The following PLD5 variants were observed in gnomAD, a reference collection of about 807,000 sequenced individuals.
The protein encoded by PLD5 is phospholipase D family member 5, also known as inactive phospholipase D5.
A neutral mutation model predicts 61.1 loss-of-function variants in PLD5; 36 were observed. That is an observed-to-expected ratio of 0.59 (90% CI 0.45 to 0.78). The LOEUF (loss-of-function observed/expected upper bound fraction) is 0.78. PLD5 is among the 30% of genes least tolerant of loss of function. The pLI, the probability that PLD5 is intolerant of heterozygous loss-of-function variation, is 0.00. For missense variants in PLD5, 515 were observed against 644.4 expected, an observed-to-expected ratio of 0.80 and a Z score of 2.17; for synonymous variants, 243 against 242.8, an observed-to-expected ratio of 1.00 and a Z score of -0.01.
At chr1:242,385,610 G>T (rs550708170) in intron 1 of PLD5, among the ~76,000 whole-genome samples, 1 of 151,942 alleles carries the variant, frequency 6.6e-6, no homozygotes, top group Non-Finnish European at 1.5e-5. Context: ...TGACTCCGCC[G>T]GACTTTGTCA....
At position 242,402,227 on chromosome 1, in the gene PLD5, G is replaced by A. The variant is rs182156237; in HGVS notation, c.190-53985C>T. Among the ~76,000 whole-genome samples the A allele has an allele frequency of 1.2e-3, 187 of 152,262 alleles. 1 individual carries two copies. Among genetic ancestry groups the A allele is most frequent in the African/African-American group, 4.3e-3 (179 of 41,558 alleles). On this transcript the variant is annotated intron_variant, in intron 1 of 9. Coordinates refer to ENST00000536534, the MANE Select transcript of PLD5 (RefSeq NM_001372062.1). Reference sequence around the variant, plus strand: ...ATTTAGATAAACTAGAGAATAAATGGAACAAATAAGATTATTCACAGTTTT... The same window carrying A: ...ATTTAGATAAACTAGAGAATAAATGAAACAAATAAGATTATTCACAGTTTT...
At chr1:242,490,675 C>A (rs781400815) in intron 1 of PLD5, among the ~76,000 whole-genome samples, 1 of 152,152 alleles carries the variant, frequency 6.6e-6, no homozygotes, top group Non-Finnish European at 1.5e-5. Context: ...TTGTGTAGAA[C>A]CCACATCTGC....
intron 3 of PLD5, among the ~76,000 whole-genome samples, chr1:242,276,381 C>A (rs669662): frequency 0.83 from 77,281 of 92,782 alleles, 32,978 homozygotes; most frequent in East Asian, 0.93. Context: ...TTAATATTTA[C>A]AATTATATAT....
In PLD5 at chr1:242,256,872, TTTC is replaced by T. The variant is rs1558403478; in HGVS notation, c.607+8462_607+8464del. On this transcript the variant is annotated intron_variant, in intron 4 of 9. Coordinates refer to ENST00000536534, the MANE Select transcript of PLD5 (RefSeq NM_001372062.1). The surrounding 1 kb of genome is among the most constrained non-coding windows in gnomAD (Gnocchi z 5.7). ...ATCTGCCATCTATCTTCCTATCTTC[TTTC>T]TTTTCTCTCCCTCTTCTTTCTCTTT... 2.3e-5 allele frequency among the ~76,000 whole-genome samples: 2 copies of T among 86,064 alleles called. No individual in the cohort carries two copies. The highest frequency in any genetic ancestry group is 1.1e-4 in the Admixed American group (1 of 8,708). The allele number at this position is 86,064 out of a possible 152,430, so 56.5% of individuals were successfully genotyped here. A position where few individuals can be genotyped will look rare whatever the true frequency, so the allele number is the denominator to read the frequency against.
At chr1:242,449,314 G>A (rs1419898793) in intron 1 of PLD5, 1 of 1,535,978 alleles carries the variant, frequency 6.5e-7, no homozygotes, top group Admixed American at 2.0e-5. Flanking sequence ...TCTTTCCCAG[G>A]TAACACACTA....
At chr1:242,426,918 C>A (rs919559689) in intron 1 of PLD5, among the ~76,000 whole-genome samples, 3 of 152,142 alleles carry the variant, frequency 2.0e-5, no homozygotes, top group Admixed American at 2.0e-4. Context: ...CCAGTAAGAA[C>A]TTTTCCATGC....
At chr1:242,120,447 C>G (rs1490438267) in intron 6 of PLD5, among the ~76,000 whole-genome samples, 1 of 151,152 alleles carries the variant, frequency 6.6e-6, no homozygotes, top group African/African-American at 2.4e-5. Context: ...GCCACCATGC[C>G]CAGCCTGAAT....
rs867659151 is a variant in PLD5 at position 242,501,558 on chromosome 1, C to T, written c.189+22530G>A. On this transcript the variant is annotated intron_variant, in intron 1 of 9. Transcript: ENST00000536534. Reference sequence around the variant, plus strand: ...CACTGTAAATTCTCAATGATCAATGCTCATAAAGAAACGGAATGAAAACTA... The same window carrying T: ...CACTGTAAATTCTCAATGATCAATGTTCATAAAGAAACGGAATGAAAACTA... 2.6e-5 allele frequency among the ~76,000 whole-genome samples: 4 copies of T among 152,238 alleles called. No individual in the cohort carries two copies. In the Middle Eastern group the frequency reaches 0.01, roughly 388 times the overall value.
chr1:242,373,886 G>A (rs956005031), intron 1 of PLD5, among the ~76,000 whole-genome samples: 1 of 151,946 alleles, frequency 6.6e-6, no homozygotes, highest in African/African-American at 2.4e-5. Context: ...GTTAATGTGT[G>A]CAGCACACCA....
intron 2 of PLD5, among the ~76,000 whole-genome samples, chr1:242,315,836 G>C (rs1676974019): frequency 1.3e-5 from 2 of 152,152 alleles, no homozygotes; most frequent in East Asian, 3.9e-4. Flanking sequence ...ATTTGAATCA[G>C]AGATCTGCTT....
At chr1:242,348,839 G>C (rs151257394) in intron 1 of PLD5, among the ~76,000 whole-genome samples, 2,579 of 152,226 alleles carry the variant, frequency 0.017, 62 homozygotes, top group African/African-American at 0.058. Flanking sequence ...CAGATCATGA[G>C]GTCAGGAGAT....
At chr1:242,489,495 C>T (rs532774235) in intron 1 of PLD5, among the ~76,000 whole-genome samples, 1 of 151,520 alleles carries the variant, frequency 6.6e-6, no homozygotes, top group Non-Finnish European at 1.5e-5. Flanking sequence ...GAAGAGGCAG[C>T]GAAAGAGGAT....
chr1:242,453,620 A>G (rs1193833882), intron 1 of PLD5, among the ~76,000 whole-genome samples: 1 of 152,120 alleles, frequency 6.6e-6, no homozygotes, highest in East Asian at 1.9e-4. Flanking sequence ...CCATTCCAAA[A>G]AGGTAGTCCC....
At chr1:242,174,589 C>T (rs1293819463) in intron 5 of PLD5, among the ~76,000 whole-genome samples, 1 of 152,194 alleles carries the variant, frequency 6.6e-6, no homozygotes, top group Admixed American at 6.5e-5. Flanking sequence ...ACTATAAAGA[C>T]ACATGCGCAT....
chr1:242,462,588 G>T (rs1667151684), intron 1 of PLD5, among the ~76,000 whole-genome samples: 1 of 143,816 alleles, frequency 7.0e-6, no homozygotes. Flanking sequence ...GGACCCCCCT[G>T]TATCTAAAAT....
At chr1:242,268,251 C>T (rs1673829023) in intron 3 of PLD5, among the ~76,000 whole-genome samples, 1 of 152,114 alleles carries the variant, frequency 6.6e-6, no homozygotes, top group Admixed American at 6.5e-5. Context: ...TCGTGGTCAT[C>T]TCACGTTCAC....
chr1:242,406,712 CTA>C (rs1465521763), intron 1 of PLD5, among the ~76,000 whole-genome samples: 1 of 152,188 alleles, frequency 6.6e-6, no homozygotes, highest in Non-Finnish European at 1.5e-5. Context: ...GTGTTTAAAA[CTA>C]TTTCTGAATT....
intron 3 of PLD5, among the ~76,000 whole-genome samples, chr1:242,270,935 G>T (rs1362278168): frequency 6.6e-6 from 1 of 152,054 alleles, no homozygotes; most frequent in Admixed American, 6.6e-5. Flanking sequence ...ATTACAAGAA[G>T]GAAGATGCTT....
At chr1:242,391,093 G>A (rs1003630962) in intron 1 of PLD5, among the ~76,000 whole-genome samples, 17 of 152,186 alleles carry the variant, frequency 1.1e-4, no homozygotes, top group Admixed American at 1.1e-3. Flanking sequence ...TACTCGGGAG[G>A]CTGAGGCAGG....
Sources: gnomAD v4.1 joint callset for allele counts (sites outside exome capture counted in the v4.1 genomes callset) on GRCh38, gnomAD v4.1.1 for gene constraint, Gnocchi (gnomAD v3.1) non-coding constraint, MANE v1.5 for transcripts, NCBI Gene and HGNC (gene_info 2026-07-23, HGNC 2026-07-21) for gene names.